Variants in ALK observed in about 807,000 individuals in gnomAD.
ALK encodes ALK receptor tyrosine kinase.
In ALK, 74 loss-of-function variants were observed where a neutral mutation model predicts 163.1. That is an observed-to-expected ratio of 0.45 (90% CI 0.38 to 0.55). ALK has a LOEUF of 0.55. Ranked by LOEUF, ALK falls within the 20% of genes least tolerant of loss-of-function variation. The pLI is 0.00. For missense variants in ALK, 2,063 were observed against 2,105.3 expected (o/e 0.98, Z 0.39); for synonymous variants, 960 against 843.2 (o/e 1.14, Z -2.40).
At chr2:29,831,151 AGG>A (rs1372461195) in intron 1 of ALK, among the ~76,000 whole-genome samples, 2 of 58,542 alleles carry the variant, frequency 3.4e-5, no homozygotes, top group African/African-American at 1.2e-4. Flanking sequence ...AAGGGGAAGA[AGG>A]GGAAGAAGGA....
At chr2:29,881,762 C>T (rs1191469932) in intron 1 of ALK, among the ~76,000 whole-genome samples, 1 of 152,170 alleles carries the variant, frequency 6.6e-6, no homozygotes, top group Non-Finnish European at 1.5e-5. Context: ...TTCATCTTTT[C>T]CAAGTCAAAA....
chr2:29,656,038 G>A (rs1677175115), intron 3 of ALK, among the ~76,000 whole-genome samples: 1 of 152,114 alleles, frequency 6.6e-6, no homozygotes, highest in Non-Finnish European at 1.5e-5. Flanking sequence ...ATATATACAA[G>A]TTTAAATAAA....
At chr2:29,447,154 G>C (rs535785688) in intron 4 of ALK, among the ~76,000 whole-genome samples, 7 of 152,234 alleles carry the variant, frequency 4.6e-5, no homozygotes, top group Admixed American at 4.6e-4. Flanking sequence ...ATGCCATTTT[G>C]AATTAAGTCC....
chr2:29,848,362 T>C (rs1198483281), intron 1 of ALK, among the ~76,000 whole-genome samples: 1 of 150,826 alleles, frequency 6.6e-6, no homozygotes, highest in Non-Finnish European at 1.5e-5. Flanking sequence ...TTTTTTTTTT[T>C]AAACTAGCAA....
intron 3 of ALK, among the ~76,000 whole-genome samples, chr2:29,568,172 G>T (rs1247787014): frequency 6.6e-6 from 1 of 152,196 alleles, no homozygotes; most frequent in Non-Finnish European, 1.5e-5. Flanking sequence ...TTCAGAAATG[G>T]CTCTGCAGTG....
intron 4 of ALK, among the ~76,000 whole-genome samples, chr2:29,528,432 G>A (rs908731265): frequency 2.6e-5 from 4 of 152,154 alleles, no homozygotes; most frequent in Non-Finnish European, 4.4e-5. Context: ...CTCCCTAGCC[G>A]GCTGCTTCTG....
At chr2:29,549,056 G>A (rs551001970) in intron 3 of ALK, among the ~76,000 whole-genome samples, 4 of 151,064 alleles carry the variant, frequency 2.6e-5, no homozygotes, top group Non-Finnish European at 5.9e-5. Flanking sequence ...AGACCAGCAG[G>A]AGGAAGAAGC....
chr2:29,550,692 A>T (rs1395495067), intron 3 of ALK, among the ~76,000 whole-genome samples: 1 of 152,158 alleles, frequency 6.6e-6, no homozygotes, highest in Non-Finnish European at 1.5e-5. Flanking sequence ...TATAGGGACA[A>T]ATAATACTTT....
At chr2:29,716,824 C>T (rs1363683204) in intron 2 of ALK, among the ~76,000 whole-genome samples, 5 of 151,710 alleles carry the variant, frequency 3.3e-5, no homozygotes, top group African/African-American at 7.3e-5. Context: ...AGACCTGTGA[C>T]GCTCATAATA....
At chr2:29,558,585 G>C (rs1673928400) in intron 3 of ALK, among the ~76,000 whole-genome samples, 1 of 151,912 alleles carries the variant, frequency 6.6e-6, no homozygotes, top group Non-Finnish European at 1.5e-5. Context: ...GCTCTACCTT[G>C]GAATCTGCTC....
intron 4 of ALK, among the ~76,000 whole-genome samples, chr2:29,510,391 G>C (rs1672477760): frequency 6.6e-6 from 1 of 152,138 alleles, no homozygotes; most frequent in South Asian, 2.1e-4. Flanking sequence ...GCAATGGTGG[G>C]CCAACAAAGC....
At chr2:29,232,012 C>CT (rs1664222610) in intron 15 of ALK, among the ~76,000 whole-genome samples, 1 of 130,280 alleles carries the variant, frequency 7.7e-6, no homozygotes, top group Non-Finnish European at 1.7e-5. Flanking sequence ...AAGAAGGAAT[C>CT]TCAGGGGGAG....
intron 9 of ALK, among the ~76,000 whole-genome samples, chr2:29,295,131 C>T (rs1300168178): frequency 6.6e-6 from 1 of 152,108 alleles, no homozygotes; most frequent in Admixed American, 6.5e-5. Flanking sequence ...TGTCTTTTGT[C>T]GGAATCCCCA....
chr2:29,795,080 G>C (rs770750542), intron 1 of ALK, among the ~76,000 whole-genome samples: 1 of 152,036 alleles, frequency 6.6e-6, no homozygotes, highest in South Asian at 2.1e-4. Context: ...TACAACAAAC[G>C]TAGTAGATGG....
intron 24 of ALK, among the ~76,000 whole-genome samples, chr2:29,213,031 CTT>C (rs911215738): frequency 2.0e-5 from 3 of 152,052 alleles, no homozygotes; most frequent in African/African-American, 7.3e-5. Flanking sequence ...CTCATTTTCT[CTT>C]TTGTACTTAC....
At chr2:29,678,801 G>C (rs1677971689) in intron 3 of ALK, among the ~76,000 whole-genome samples, 5 of 151,420 alleles carry the variant, frequency 3.3e-5, no homozygotes, top group Middle Eastern at 6.8e-3. Context: ...TTTATGGCCT[G>C]GCATATGGTC....
intron 5 of ALK, among the ~76,000 whole-genome samples, chr2:29,339,922 G>A (rs1453646155): frequency 6.6e-6 from 1 of 152,222 alleles, no homozygotes; most frequent in Non-Finnish European, 1.5e-5. Context: ...CCACCCGCAG[G>A]AAGGCAGAGT....
intron 1 of ALK, among the ~76,000 whole-genome samples, chr2:29,750,223 T>G (rs1215630713): frequency 6.6e-6 from 1 of 152,218 alleles, no homozygotes; most frequent in Admixed American, 6.5e-5. Flanking sequence ...CAAACCTAGA[T>G]GGTAGCCTAC....
chr2:29,696,641 CCT>C (rs1678572771), intron 2 of ALK, among the ~76,000 whole-genome samples: 1 of 151,824 alleles, frequency 6.6e-6, no homozygotes, highest in African/African-American at 2.4e-5. Flanking sequence ...ACCAGTGGCC[CCT>C]GTCACCTTTA....
Sources: gnomAD v4.1 joint callset for allele counts (sites outside exome capture counted in the v4.1 genomes callset) on GRCh38, gnomAD v4.1.1 for gene constraint, MANE v1.5 for transcripts, NCBI Gene and HGNC (gene_info 2026-07-23, HGNC 2026-07-21) for gene names.